PAPSS2: variants seen among roughly 807,000 people sequenced by gnomAD.
The protein encoded by PAPSS2 is bifunctional 3'-phosphoadenosine 5'-phosphosulfate synthase 2.
PAPSS2 carries 61 observed loss-of-function variants against 66.5 expected under a neutral mutation model. The observed-to-expected ratio is 0.92, with a 90% CI of 0.75 to 1.14. The LOEUF is 1.14. Among genes scored for constraint, PAPSS2 ranks in the 50% most tolerant of loss-of-function variants. PAPSS2 has a pLI of 0.00. For missense variants in PAPSS2, 708 were observed against 789.6 expected (o/e 0.90, Z 1.24); for synonymous variants, 289 against 287.5 (o/e 1.01, Z -0.05).
rs1853500055 is a variant in PAPSS2 at position 87,713,935 on chromosome 10, A to G, written c.382-109A>G. ...TCTCTCAAGCACTCTGCAAAGCACA[A>G]ACCCCAGTGTTATCTCAAGGCTATT... On this transcript the variant is annotated intron_variant, in intron 3 of 12. Transcript: ENST00000456849. The G allele has an allele frequency of 5.2e-6, 6 of 1,144,402 alleles. 1 individual carries two copies. In the South Asian group the frequency reaches 7.5e-5, roughly 14 times the overall value. 70.9% of individuals were successfully genotyped at this position (1,144,402 alleles called of 1,614,324 possible). A position where few individuals can be genotyped will look rare whatever the true frequency, so the allele number is the denominator to read the frequency against.
chr10:87,684,083 A>G (rs1013818893), intron 1 of PAPSS2, among the ~76,000 whole-genome samples: 1 of 152,188 alleles, frequency 6.6e-6, no homozygotes, highest in Admixed American at 6.5e-5. Context: ...TTCTTTTACA[A>G]TCACTCTGTA....
At chr10:87,713,504 C>T (rs1853493132) in intron 3 of PAPSS2, among the ~76,000 whole-genome samples, 194 bp downstream of exon 3, 1 of 152,022 alleles carries the variant, frequency 6.6e-6, no homozygotes, top group Non-Finnish European at 1.5e-5. Context: ...AAAGGAGTTC[C>T]TTCCTTTCCA....
rs3214322 is a variant in PAPSS2 at position 87,715,883 on chromosome 10, GAA to G, written c.865+50_865+51del. On this transcript the variant is annotated intron_variant, in intron 7 of 12. Transcript: ENST00000456849. ...TTGTTTCTTACTCTTTGTTGTTAAGGAAAAAAAAAAATCTTTCCCAGAAGTTT... is the reference window on the plus strand; with the variant it reads ...TTGTTTCTTACTCTTTGTTGTTAAGGAAAAAAAAATCTTTCCCAGAAGTTT... 531 of 1,118,426 alleles carry G rather than the reference GAA, an allele frequency of 4.7e-4. 2 individuals are homozygous for G. Among genetic ancestry groups the G allele is most frequent in the East Asian group, 4.2e-3 (173 of 40,720 alleles). The allele number at this position is 1,118,426 out of a possible 1,614,324, so 69.3% of individuals were successfully genotyped here. A position where few individuals can be genotyped will look rare whatever the true frequency, so the allele number is the denominator to read the frequency against.
chr10:87,726,447 A>G (rs1853168), intron 8 of PAPSS2, among the ~76,000 whole-genome samples: 79,097 of 152,086 alleles, frequency 0.52, 21,795 homozygotes, highest in East Asian at 0.71. Context: ...GTAAAATAAA[A>G]TAAATTAACA....
At position 87,739,004 on chromosome 10, in the gene PAPSS2, A is replaced by T. The variant is rs146992813; in HGVS notation, c.1087-2231A>T. ...TTTTCACTGTTGTGTTCTTTGATGC[A>T]CATATGTTTGAAGTAGTTGCAATTT... On this transcript the variant is annotated intron_variant, in intron 9 of 12. Transcript: ENST00000456849. Among the ~76,000 whole-genome samples the T allele has an allele frequency of 3.9e-5, 6 of 152,218 alleles. No individual in the cohort carries two copies. In the East Asian group the frequency reaches 1.2e-3, roughly 29 times the overall value.
At chr10:87,693,595 G>A (rs1228981955) in intron 1 of PAPSS2, among the ~76,000 whole-genome samples, 1 of 152,182 alleles carries the variant, frequency 6.6e-6, no homozygotes, top group South Asian at 2.1e-4. Context: ...TGGCGCGTTT[G>A]ACATACAAAA....
chr10:87,700,318 T>C (rs556845134), intron 1 of PAPSS2, among the ~76,000 whole-genome samples: 1 of 152,312 alleles, frequency 6.6e-6, no homozygotes, highest in East Asian at 1.9e-4. Context: ...TTCAATTCCA[T>C]GAGAGAATGT....
rs543489555 is a variant in PAPSS2 at position 87,700,405 on chromosome 10, C to A, written c.28-8791C>A. ...GGTGTAGTGGTTCATGCCTGTAATC[C>A]CAGCACTTTGGGATGTTGAGGCAGG... On this transcript the variant is annotated intron_variant, in intron 1 of 12. Coordinates refer to ENST00000456849, the MANE Select transcript of PAPSS2 (RefSeq NM_001015880.2). 7.9e-5 allele frequency among the ~76,000 whole-genome samples: 12 copies of A among 151,978 alleles called. No homozygotes were observed. In the South Asian group the frequency reaches 2.5e-3, roughly 32 times the overall value.
At position 87,715,843 on chromosome 10, in the gene PAPSS2, G is replaced by A. The variant is rs779072641; in HGVS notation, c.865G>A (p.Gly289Ser). ...QVMHFDTLLD[G>S]MALPDGVINM... ...TATGCACTTTGACACCCTGCTAGAT[G>A]GTATGTTTTTGTTGTTGTTTCTTAC... The change falls in exon 7 of 13, where the codon GGC becomes AGC. Residue 289 changes from glycine to serine, a missense_variant and splice_region_variant. By Grantham distance (56) the Gly-to-Ser change is moderately conservative (BLOSUM62 0). Transcript: ENST00000456849. The A allele has an allele frequency of 3.2e-6, 5 of 1,555,704 alleles. No individual in the cohort carries two copies. The African/African-American group carries it at 5.4e-5, about 17-fold the overall frequency.
intron 1 of PAPSS2, among the ~76,000 whole-genome samples, chr10:87,660,804 G>GAAAAAAAAAAAAAAA (rs61018901): frequency 8.8e-6 from 1 of 114,106 alleles, no homozygotes; most frequent in Non-Finnish European, 1.8e-5. Context: ...CCAATAAACT[G>GAAAAAAAAAAAAAAA]AAAAAAAAAA....
intron 1 of PAPSS2, among the ~76,000 whole-genome samples, chr10:87,666,919 T>TC (rs1852822679): frequency 6.6e-6 from 1 of 152,086 alleles, no homozygotes; most frequent in African/African-American, 2.4e-5. Flanking sequence ...TCCAATGCCC[T>TC]CTGCTTTCAG....
intron 11 of PAPSS2, among the ~76,000 whole-genome samples, chr10:87,744,136 C>A (rs922115813): frequency 3.3e-5 from 5 of 152,018 alleles, no homozygotes; most frequent in Admixed American, 3.3e-4. Flanking sequence ...AACATCAAAT[C>A]AAACCTATTA....
At chr10:87,702,153 T>G (rs574724216) in intron 1 of PAPSS2, among the ~76,000 whole-genome samples, 2 of 152,344 alleles carry the variant, frequency 1.3e-5, no homozygotes, top group African/African-American at 4.8e-5. Flanking sequence ...ATTGTTTACA[T>G]TATAGTGTAG....
At chr10:87,712,382 G>T (rs562914679) in intron 2 of PAPSS2, among the ~76,000 whole-genome samples, 1 of 152,252 alleles carries the variant, frequency 6.6e-6, no homozygotes, top group African/African-American at 2.4e-5. Flanking sequence ...ACTTTGAAGG[G>T]GATATGAGAC....
chr10:87,699,743 G>T (rs1348822047), intron 1 of PAPSS2, among the ~76,000 whole-genome samples: 1 of 151,464 alleles, frequency 6.6e-6, no homozygotes, highest in African/African-American at 2.4e-5. Context: ...CCAGATACTC[G>T]GGAGGCTGAG....
At chr10:87,704,055 ACT>A (rs1853351837) in intron 1 of PAPSS2, 1 of 494,420 alleles carries the variant, frequency 2.0e-6, no homozygotes, top group Non-Finnish European at 4.1e-6. Context: ...GTTTTTGGCC[ACT>A]CTGCCCCCTT....
At chr10:87,683,581 G>A (rs998834219) in intron 1 of PAPSS2, among the ~76,000 whole-genome samples, 3 of 152,134 alleles carry the variant, frequency 2.0e-5, no homozygotes, top group Admixed American at 6.5e-5. Flanking sequence ...CTGCATAATT[G>A]TTGTGGAAAT....
chr10:87,708,120 A>G (rs2131930402), intron 1 of PAPSS2, among the ~76,000 whole-genome samples: 1 of 152,234 alleles, frequency 6.6e-6, no homozygotes, highest in East Asian at 1.9e-4. Context: ...CAAAAACTGT[A>G]TTTATTGGCT....
rs182963843 is a variant in PAPSS2 at position 87,718,867 on chromosome 10, A to C, written c.866-2889A>C. ...AAGGTGTATAGATCCCTTTATCCTCATGTGGCTCCAGTGTGGCTCTGTCAG... is the reference window on the plus strand; with the variant it reads ...AAGGTGTATAGATCCCTTTATCCTCCTGTGGCTCCAGTGTGGCTCTGTCAG... On this transcript the variant is annotated intron_variant, in intron 7 of 12. Transcript: ENST00000456849. Among the ~76,000 whole-genome samples, 5 of 152,312 alleles carry C rather than the reference A, an allele frequency of 3.3e-5. No homozygotes were observed. In the East Asian group the frequency reaches 9.6e-4, roughly 29 times the overall value.
Sources: allele counts gnomAD v4.1 joint callset (sites outside exome capture counted in the v4.1 genomes callset), GRCh38; gene constraint gnomAD v4.1.1; transcripts MANE v1.5; gene names NCBI Gene and HGNC (gene_info 2026-07-23, HGNC 2026-07-21).